FGFR1: variants seen among roughly 807,000 people sequenced by gnomAD.
FGFR1 encodes fibroblast growth factor receptor 1, also known as FGFR1/PLAG1 fusion.
In FGFR1, 18 loss-of-function variants were observed where a neutral mutation model predicts 93.7. That is an observed-to-expected ratio of 0.19 (90% confidence interval 0.13 to 0.28). The LOEUF is 0.28. Ranked by LOEUF, FGFR1 falls within the 10% of genes least tolerant of loss-of-function variation. The pLI is 1.00. For synonymous variants in FGFR1, 448 were observed against 429.3 expected, an observed-to-expected ratio of 1.04 and a Z score of -0.54; for missense variants, 731 against 1,080.4, an observed-to-expected ratio of 0.68 and a Z score of 4.53.
chr8:38,419,698 C>T lies in FGFR1; in HGVS notation c.1119G>A (p.Leu373=), dbSNP rs1170076219. ...TGCAATAGATGATGATCTCCAGGTA[C>T]AGGGGCGAGGTCATCACTGCCGGCC... ...EERPAVMTSP[L]YLEIIIYCTG... The change falls in exon 9 of 18, where the codon CTG becomes CTA. Residue 373 remains leucine, a synonymous_variant. Transcript: ENST00000447712. The T allele has an allele frequency of 1.9e-6, 3 of 1,614,156 alleles. No individual in the cohort carries two copies. The highest frequency in any genetic ancestry group is 1.1e-5 in the South Asian group (1 of 91,076).
In FGFR1 at chr8:38,417,913, G is replaced by C. The variant is rs372521005; in HGVS notation, c.1509C>G (p.Asp503Glu). The change falls in exon 11 of 18, where the codon GAC (aspartate) becomes GAG (glutamate). Residue 503 changes from aspartate (D) to glutamate (E), a missense_variant. By Grantham distance (45) the Asp-to-Glu change is conservative (BLOSUM62 2). Around this residue, in one of 10 missense-constraint regions of FGFR1, gnomAD observed 62 missense variants for 99.5 expected, o/e 0.62. Transcript: ENST00000447712. Reference sequence around the variant, plus strand: ...CCACTTTGGTCACACGGTTGGGTTTGTCCTTGTCCAGCCCGATAGCCTCTG... The same window carrying C: ...CCACTTTGGTCACACGGTTGGGTTTCTCCTTGTCCAGCCCGATAGCCTCTG... ...VLAEAIGLDK[D>E]KPNRVTKVAV... The C allele has an allele frequency of 5.0e-6, 8 of 1,614,094 alleles. No individual in the cohort carries two copies. In the African/African-American group the frequency reaches 1.1e-4, roughly 22 times the overall value.
intron 1 of FGFR1, chr8:38,458,911 G>C (rs1230087658): frequency 4.6e-6 from 1 of 219,752 alleles, no homozygotes; most frequent in African/African-American, 2.2e-5. Flanking sequence ...GGTGACAAGT[G>C]ATGTCTGACG....
intron 8 of FGFR1, among the ~76,000 whole-genome samples, chr8:38,421,436 T>C (rs1818736568): frequency 6.6e-6 from 1 of 152,086 alleles, no homozygotes; most frequent in Non-Finnish European, 1.5e-5. Context: ...TCTGAGACTT[T>C]TCAGATGCTC....
At chr8:38,439,278 G>A (rs146067228) in intron 2 of FGFR1, among the ~76,000 whole-genome samples, 7 of 152,230 alleles carry the variant, frequency 4.6e-5, no homozygotes, top group East Asian at 1.9e-4. Flanking sequence ...CACATGGGGT[G>A]ATGAGGGGTG....
At chr8:38,462,411 G>A (rs889954902) in intron 1 of FGFR1, among the ~76,000 whole-genome samples, 7 of 151,810 alleles carry the variant, frequency 4.6e-5, no homozygotes, top group African/African-American at 1.7e-4. Flanking sequence ...GGCTGAGGCA[G>A]GAGAATTGCT....
chr8:38,457,230 T>C (rs13276146), intron 2 of FGFR1, 126 bp downstream of exon 2: 4 of 1,051,688 alleles, frequency 3.8e-6, no homozygotes, highest in Admixed American at 2.0e-5. Flanking sequence ...AGGAAGGGAG[T>C]TCTTTGCTCC....
intron 8 of FGFR1, 111 bp downstream of exon 8, chr8:38,421,686 G>A: frequency 2.6e-6 from 3 of 1,145,142 alleles, no homozygotes; most frequent in Non-Finnish European, 4.0e-6. Context: ...GCAGGCAGGA[G>A]CCCATTCTTC....
At chr8:38,460,173 ACT>A (rs1390782575) in intron 1 of FGFR1, among the ~76,000 whole-genome samples, 1 of 151,984 alleles carries the variant, frequency 6.6e-6, no homozygotes, top group Non-Finnish European at 1.5e-5. Flanking sequence ...ACGGAGTGAG[ACT>A]CTGTCTCAAA....
rs1372605990 is a variant in FGFR1, at chr8:38,412,033, G to A, written c.*1595C>T. ...GCCCACATAGAGGGGGCAGACACAT[G>A]TCTGGGTTTCAGTTTCTGCAGACCT... On this transcript the variant is annotated 3_prime_UTR_variant, in exon 18 of 18. Coordinates refer to ENST00000447712, the MANE Select transcript of FGFR1 (RefSeq NM_023110.3). 5.7e-5 allele frequency: 13 copies of A among 226,530 alleles called. No homozygotes were observed. The highest frequency in any genetic ancestry group is 3.4e-4 in the Admixed American group (6 of 17,518). The allele number at this position is 226,530 out of a possible 1,614,324, so 14.0% of individuals were successfully genotyped here. A position where few individuals can be genotyped will look rare whatever the true frequency, so the allele number is the denominator to read the frequency against.
At chr8:38,433,499 G>A (rs1393764647) in intron 2 of FGFR1, among the ~76,000 whole-genome samples, 2 of 152,104 alleles carry the variant, frequency 1.3e-5, no homozygotes, top group African/African-American at 4.8e-5. Flanking sequence ...TAGTAGAGAT[G>A]GGGTTTCACC....
At chr8:38,415,814 T>C (rs780673378) in intron 13 of FGFR1, 56 bp downstream of exon 13, 20 of 1,540,250 alleles carry the variant, frequency 1.3e-5, no homozygotes, top group Non-Finnish European at 1.7e-5. Context: ...GCTGGAAGAC[T>C]AGGGGGGCTC....
chr8:38,462,349 C>T (rs1361657486), intron 1 of FGFR1, among the ~76,000 whole-genome samples: 1 of 151,882 alleles, frequency 6.6e-6, no homozygotes, highest in East Asian at 2.0e-4. Context: ...ACTAAAAGTA[C>T]AAAAATTAGC....
chr8:38,414,512 A>C, intron 15 of FGFR1, 47 bp downstream of exon 15: 1 of 1,604,772 alleles, frequency 6.2e-7, no homozygotes, highest in Non-Finnish European at 8.5e-7. Flanking sequence ...ACAGTGCTAG[A>C]AGCTCTCTAT....
chr8:38,416,312 T>C (rs1343311228), intron 12 of FGFR1, among the ~76,000 whole-genome samples: 1 of 152,054 alleles, frequency 6.6e-6, no homozygotes, highest in Non-Finnish European at 1.5e-5. Context: ...TGAGATGGAG[T>C]CTCACTCTGT....
At chr8:38,441,192 TG>T (rs896784976) in intron 2 of FGFR1, among the ~76,000 whole-genome samples, 16 of 152,142 alleles carry the variant, frequency 1.1e-4, no homozygotes, top group African/African-American at 3.9e-4. Context: ...AGAGGGACTC[TG>T]GGTGTCGTAA....
chr8:38,437,819 C>T (rs1217977345), intron 2 of FGFR1, among the ~76,000 whole-genome samples: 2 of 152,214 alleles, frequency 1.3e-5, no homozygotes, highest in African/African-American at 4.8e-5. Flanking sequence ...ATTCATGCCA[C>T]ATGGACAAAC....
rs1039070864 is a variant in FGFR1 at position 38,426,586 on chromosome 8, T to C, written c.622-341A>G. Among the ~76,000 whole-genome samples the C allele has an allele frequency of 3.9e-5, 6 of 152,206 alleles. No homozygotes were observed. Among genetic ancestry groups the C allele is most frequent in the Non-Finnish European group, 7.4e-5 (5 of 68,026 alleles). ...ATTACACTAAGAATCCAGCCCCCACTGTCCTTGACAGCTCATTTCAAAAAC... is the reference window on the plus strand; with the variant it reads ...ATTACACTAAGAATCCAGCCCCCACCGTCCTTGACAGCTCATTTCAAAAAC... On this transcript the variant is annotated intron_variant, in intron 5 of 17. Coordinates refer to ENST00000447712, the MANE Select transcript of FGFR1 (RefSeq NM_023110.3). This position sits in a 1 kb window ranked among gnomAD's most constrained non-coding sequence, Gnocchi z 4.1.
At chr8:38,414,693 G>A (rs2150555833) in intron 14 of FGFR1, 64 bp from the exon 15 acceptor site, 2 of 1,613,378 alleles carry the variant, frequency 1.2e-6, no homozygotes, top group South Asian at 2.2e-5. Context: ...CAGGTGGGAA[G>A]GGACTGGGGG....
chr8:38,429,159 A>G lies in FGFR1; in HGVS notation c.358+523T>C, dbSNP rs576013407. On this transcript the variant is annotated intron_variant, in intron 3 of 17. Transcript: ENST00000447712. This position sits in a 1 kb window ranked among gnomAD's most constrained non-coding sequence, Gnocchi z 4.4. ...CACTTCCTCAACTCCTAGTTTTGTG[A>G]AAGTCACATTCTAAGAGTGGCAAGT... 330 of 370,924 alleles carry G rather than the reference A, an allele frequency of 8.9e-4. 8 individuals are homozygous for G. The highest frequency in any genetic ancestry group is 6.4e-3 in the South Asian group (321 of 49,970). The allele number at this position is 370,924 out of a possible 1,614,324, so 23.0% of individuals were successfully genotyped here.
Sources: allele counts gnomAD v4.1 joint callset (sites outside exome capture counted in the v4.1 genomes callset), GRCh38; gene constraint gnomAD v4.1.1; regional missense constraint gnomAD v4.1.1; non-coding constraint Gnocchi (gnomAD v3.1); transcripts MANE v1.5; gene names NCBI Gene and HGNC (gene_info 2026-07-23, HGNC 2026-07-21).